Variants in CTNNB1 observed in about 807,000 individuals in gnomAD.
The protein encoded by CTNNB1 is catenin beta 1, also known as catenin beta-1.
Under a neutral mutation model 82.5 loss-of-function variants are expected in CTNNB1, and 6 were observed. The observed-to-expected ratio is 0.07, with a 90% CI of 0.04 to 0.14. The LOEUF (loss-of-function observed/expected upper bound fraction) is 0.14. Among genes scored for constraint, CTNNB1 ranks in the 10% least tolerant of loss-of-function variants. The pLI, the probability that CTNNB1 is intolerant of heterozygous loss-of-function variation, is 1.00. For synonymous variants in CTNNB1, 312 were observed against 329.7 expected, an observed-to-expected ratio of 0.95 and a Z score of 0.58; for missense variants, 529 against 980.4, an observed-to-expected ratio of 0.54 and a Z score of 6.15.
At chr3:41,234,512 C>T (rs980354812) in intron 10 of CTNNB1, 4 of 586,638 alleles carry the variant, frequency 6.8e-6, no homozygotes, top group African/African-American at 5.6e-5. Flanking sequence ...ACGTCCTTCA[C>T]ATGGTCAGTC....
At chr3:41,211,113 G>A in intron 1 of CTNNB1, 1 of 456,190 alleles carries the variant, frequency 2.2e-6, no homozygotes, top group Non-Finnish European at 4.4e-6. Flanking sequence ...TTATACAACT[G>A]AAGCACAGTA....
chr3:41,204,505 C>G (rs901658212), intron 1 of CTNNB1, among the ~76,000 whole-genome samples: 3 of 152,144 alleles, frequency 2.0e-5, no homozygotes, highest in Non-Finnish European at 4.4e-5. Context: ...ACTCAAATGT[C>G]TCCAGGGCCA....
rs1375358350 is a variant in CTNNB1 at position 41,239,869 on chromosome 3, A to G, written c.*527A>G. The G allele has an allele frequency of 4.2e-6, 1 of 236,892 alleles. No individual in the cohort carries two copies. Among genetic ancestry groups the G allele is most frequent in the Non-Finnish European group, 8.3e-6 (1 of 120,348 alleles). The allele number at this position is 236,892 out of a possible 1,614,324, so 14.7% of individuals were successfully genotyped here. A position where few individuals can be genotyped will look rare whatever the true frequency, so the allele number is the denominator to read the frequency against. On this transcript the variant is annotated 3_prime_UTR_variant, in exon 15 of 15. Coordinates refer to ENST00000349496, the MANE Select transcript of CTNNB1 (RefSeq NM_001904.4). The stretch of plus-strand genomic sequence containing the variant: ...GAGTGACTCAAGAAGTGAAGAATGC[A>G]CAAGAATGGATCACAAGATGGAATT...
chr3:41,221,166 G>A (rs188914071), intron 1 of CTNNB1: 3 of 152,150 alleles, frequency 2.0e-5, no homozygotes, highest in African/African-American at 7.2e-5. Context: ...TTCTAATGTA[G>A]TCTGTAGTTT....
chr3:41,227,397 G>A (rs763550159), intron 7 of CTNNB1, 45 bp downstream of exon 7: 1 of 1,596,350 alleles, frequency 6.3e-7, no homozygotes, highest in Admixed American at 1.7e-5. Context: ...AGCATCTGCA[G>A]TTCTAATTAG....
At chr3:41,202,216 A>G (rs962353153) in intron 1 of CTNNB1, among the ~76,000 whole-genome samples, 11 of 152,230 alleles carry the variant, frequency 7.2e-5, no homozygotes, top group Non-Finnish European at 1.5e-4. Flanking sequence ...GTCCTGTTAC[A>G]AGATTATTTT....
intron 1 of CTNNB1, among the ~76,000 whole-genome samples, chr3:41,206,011 A>G (rs1022950680): frequency 2.6e-5 from 4 of 152,050 alleles, no homozygotes; most frequent in African/African-American, 7.2e-5. Flanking sequence ...CCCCCTCTTT[A>G]TGATGGTTTG....
intron 1 of CTNNB1, chr3:41,222,296 A>G (rs2078068288): frequency 6.6e-6 from 1 of 152,178 alleles, no homozygotes; most frequent in African/African-American, 2.4e-5. Context: ...TTTAGCAGTT[A>G]ATGCTCAGTT....
At chr3:41,234,645 A>T in intron 10 of CTNNB1, 1 of 302,302 alleles carries the variant, frequency 3.3e-6, no homozygotes, top group Non-Finnish European at 6.3e-6. Flanking sequence ...AGAGCCTCTT[A>T]CCCTTGCCTC....
rs3774369 is a variant in CTNNB1 at position 41,226,034 on chromosome 3, A to G, written c.936+173A>G. On this transcript the variant is annotated intron_variant, in intron 6 of 14. Coordinates refer to ENST00000349496, the MANE Select transcript of CTNNB1 (RefSeq NM_001904.4). Reference sequence around the variant, plus strand: ...TCTGGATGACACCATTCCACCTCAGATAATCAGGCATTAGATTCTCATAGG... The same window carrying G: ...TCTGGATGACACCATTCCACCTCAGGTAATCAGGCATTAGATTCTCATAGG... 0.32 allele frequency among the ~76,000 whole-genome samples: 48,763 copies of G among 151,942 alleles called. 9,664 individuals carry two copies. Among genetic ancestry groups the G allele is most frequent in the Non-Finnish European group, 0.44 (29,994 of 67,922 alleles).
At chr3:41,215,150 G>C (rs2077884914) in intron 1 of CTNNB1, among the ~76,000 whole-genome samples, 1 of 150,046 alleles carries the variant, frequency 6.7e-6, no homozygotes, top group Admixed American at 6.7e-5. Context: ...GGCCGAGGCT[G>C]GTGGATCACG....
At chr3:41,213,540 C>G (rs1220200934) in intron 1 of CTNNB1, among the ~76,000 whole-genome samples, 3 of 152,212 alleles carry the variant, frequency 2.0e-5, no homozygotes, top group Non-Finnish European at 2.9e-5. Context: ...ATTACAGATC[C>G]TGGCATGTAG....
rs768169871 is a variant in CTNNB1 at position 41,227,189 on chromosome 3, T to C, written c.937-19T>C. 8 of 1,586,606 alleles carry C rather than the reference T, an allele frequency of 5.0e-6. No homozygotes were observed. The highest frequency in any genetic ancestry group is 5.0e-5 in the Admixed American group (3 of 59,940). On this transcript the variant is annotated intron_variant, in intron 6 of 14. Coordinates refer to ENST00000349496, the MANE Select transcript of CTNNB1 (RefSeq NM_001904.4). ...TCAAGATTCCTTGACTAACAAGATA[T>C]ATATATATATCTTTCTAGCTCATCA...
intron 1 of CTNNB1, among the ~76,000 whole-genome samples, chr3:41,202,232 C>T (rs2077548294): frequency 1.3e-5 from 2 of 152,102 alleles, no homozygotes; most frequent in Non-Finnish European, 2.9e-5. Flanking sequence ...ATTTTTATTT[C>T]TCTTGTGGTT....
chr3:41,224,320 C>G (rs979594258), intron 2 of CTNNB1: 6 of 692,790 alleles, frequency 8.7e-6, no homozygotes, highest in African/African-American at 7.2e-5. Context: ...TCCACTGATT[C>G]AGTGAGTAAC....
At chr3:41,207,592 G>A (rs550120673) in intron 1 of CTNNB1, among the ~76,000 whole-genome samples, 1 of 152,322 alleles carries the variant, frequency 6.6e-6, no homozygotes, top group South Asian at 2.1e-4. Context: ...CCTGAGGCAT[G>A]CCTTTTCAAG....
Position 41,225,939 on chromosome 3 carries a change from T to A in CTNNB1, c.936+78T>A. On this transcript the variant is annotated intron_variant, in intron 6 of 14. Coordinates refer to ENST00000349496, the MANE Select transcript of CTNNB1 (RefSeq NM_001904.4). This position sits in a 1 kb window ranked among gnomAD's most constrained non-coding sequence, Gnocchi z 5.3. ...GTCATGTCATTCCATGCAGTGTTCC[T>A]AACCTTTTTGGCACCAGGGACCAGT... 7.1e-7 allele frequency: 1 copy of A among 1,406,024 alleles called. No homozygotes were observed. Among genetic ancestry groups the A allele is most frequent in the Non-Finnish European group, 1.0e-6 (1 of 1,004,736 alleles). The allele number at this position is 1,406,024 out of a possible 1,614,324, so 87.1% of individuals were successfully genotyped here.
At chr3:41,228,937 A>G (rs186062701) in intron 7 of CTNNB1, among the ~76,000 whole-genome samples, 1 of 152,252 alleles carries the variant, frequency 6.6e-6, no homozygotes, top group Admixed American at 6.5e-5. Context: ...TCAATCTTGG[A>G]TGTGGCTAGC....
At chr3:41,218,741 G>C (rs2077971103) in intron 1 of CTNNB1, among the ~76,000 whole-genome samples, 1 of 152,160 alleles carries the variant, frequency 6.6e-6, no homozygotes, top group Non-Finnish European at 1.5e-5. Flanking sequence ...ATTTTTAGTA[G>C]AGACAGGGTT....
Sources: allele counts gnomAD v4.1 joint callset (sites outside exome capture counted in the v4.1 genomes callset), GRCh38; gene constraint gnomAD v4.1.1; non-coding constraint Gnocchi (gnomAD v3.1); transcripts MANE v1.5; gene names NCBI Gene and HGNC (gene_info 2026-07-23, HGNC 2026-07-21).